The following SLA variants were observed in gnomAD, a reference collection of about 807,000 sequenced individuals.
The protein encoded by SLA is src-like-adapter.
Under a neutral mutation model 30.3 loss-of-function variants are expected in SLA, and 16 were observed. That is an observed-to-expected ratio of 0.53 (90% CI 0.36 to 0.80). The LOEUF (loss-of-function observed/expected upper bound fraction) is 0.80. Ranked by LOEUF, SLA falls within the 30% of genes least tolerant of loss-of-function variation. The pLI is 0.01. For missense variants in SLA, 310 were observed against 345.2 expected, an observed-to-expected ratio of 0.90 and a Z score of 0.81; for synonymous variants, 143 against 137.8, an observed-to-expected ratio of 1.04 and a Z score of -0.26.
chr8:133,095,272 A>G, intron 1 of SLA: 1 of 1,611,774 alleles, frequency 6.2e-7, no homozygotes, highest in Non-Finnish European at 8.5e-7. Context: ...GAAAATGAAG[A>G]CCTAGGAAGG....
chr8:133,055,845 GC>G lies in SLA; in HGVS notation c.61+4254del, dbSNP rs1211145581. 9.4e-4 allele frequency among the ~76,000 whole-genome samples: 11 copies of G among 11,704 alleles called. No homozygotes were observed. The African/African-American group carries it at 0.017, about 19-fold the overall frequency. 7.7% of individuals were successfully genotyped at this position (11,704 alleles called of 152,430 possible). A position where few individuals can be genotyped will look rare whatever the true frequency, so the allele number is the denominator to read the frequency against. Reference sequence around the variant, plus strand: ...ATCACCAGCAGCAGCAGCAGCAGCAGCAGCAGCAGCAGCAGCAGCAGCAGCA... The same window carrying G: ...ATCACCAGCAGCAGCAGCAGCAGCAGAGCAGCAGCAGCAGCAGCAGCAGCA... On this transcript the variant is annotated intron_variant, in intron 3 of 8. Coordinates refer to ENST00000338087, the MANE Select transcript of SLA (RefSeq NM_001045556.3).
intron 6 of SLA, chr8:133,046,435 T>G (rs1203951326): frequency 6.6e-6 from 1 of 152,280 alleles, no homozygotes. Flanking sequence ...CACAGTGCTC[T>G]AGGCCTGCCG....
intron 1 of SLA, among the ~76,000 whole-genome samples, chr8:133,079,152 C>T (rs571361429): frequency 1.7e-3 from 253 of 152,298 alleles, no homozygotes; most frequent in Middle Eastern, 0.01. Flanking sequence ...CAAGTGTAAG[C>T]ATGGAGTCAG....
intron 7 of SLA, among the ~76,000 whole-genome samples, chr8:133,042,208 C>T (rs1215815162): frequency 1.3e-5 from 2 of 152,148 alleles, no homozygotes; most frequent in African/African-American, 4.8e-5. Context: ...AAAAGCAACT[C>T]ATTGCCTCTT....
At chr8:133,087,186 G>A (rs1479895567) in intron 1 of SLA, among the ~76,000 whole-genome samples, 1 of 151,952 alleles carries the variant, frequency 6.6e-6, no homozygotes, top group Non-Finnish European at 1.5e-5. Flanking sequence ...GGAGGATTAT[G>A]TGTAATTTTA....
rs543907111 is a variant in SLA, at chr8:133,038,560, G to C, written c.795C>G (p.Ser265Arg). The C allele has an allele frequency of 4.3e-6, 7 of 1,613,902 alleles. No individual in the cohort carries two copies. In the South Asian group the frequency reaches 7.7e-5, roughly 18 times the overall value. ...SLMYGGSKRK[S>R]SFFSSPPYFE... is the part of the protein sequence containing the mutation. Reference sequence around the variant, plus strand: ...AGTAAGGTGGTGATGAGAAGAATGAGCTCTTTCTCTTGCTGCCACCATACA... The same window carrying C: ...AGTAAGGTGGTGATGAGAAGAATGACCTCTTTCTCTTGCTGCCACCATACA... Residue 265 changes from serine (S) to arginine (R), a missense_variant, in exon 9 of 9, where the codon AGC becomes AGG. By Grantham distance (110) the Ser-to-Arg change is moderately radical (BLOSUM62 -1). Transcript: ENST00000338087.
At chr8:133,098,923 T>C (rs1848842067) in intron 1 of SLA, among the ~76,000 whole-genome samples, 1 of 152,204 alleles carries the variant, frequency 6.6e-6, no homozygotes, top group Non-Finnish European at 1.5e-5. Flanking sequence ...TCTAGAAGTT[T>C]CCTAACTTTG....
At chr8:133,040,317 G>GA in intron 7 of SLA, 187 bp from the exon 8 acceptor site, 1 of 629,666 alleles carries the variant, frequency 1.6e-6, no homozygotes, top group Non-Finnish European at 2.8e-6. Context: ...TTTGAGAAAT[G>GA]TAAGCGTGCC....
Position 133,094,919 on chromosome 8 carries a change from A to G in SLA, c.-319+7634T>C, listed in dbSNP as rs1372052242. The G allele has an allele frequency of 1.6e-5, 21 of 1,308,272 alleles. No homozygotes were observed. In the East Asian group the frequency reaches 3.0e-4, roughly 19 times the overall value. 81.0% of individuals were successfully genotyped at this position (1,308,272 alleles called of 1,614,324 possible). On this transcript the variant is annotated intron_variant, in intron 1 of 8. Transcript: ENST00000338087. Reference sequence around the variant, plus strand: ...TCTTCCCATTGTGTGCAGCCCCAGAATGGGTCCTGGGACTCCCAAGCTTGG... The same window carrying G: ...TCTTCCCATTGTGTGCAGCCCCAGAGTGGGTCCTGGGACTCCCAAGCTTGG...
rs1325795870 is a variant in SLA at position 133,102,580 on chromosome 8, G to C, written c.-346C>G. ...GTGGAGCATCAGGGCTGCCTGAGAT[G>C]TTCTCCATTCGCAGCAAATGATCTT... On this transcript the variant is annotated 5_prime_UTR_variant, in exon 1 of 9. Coordinates refer to ENST00000338087, the MANE Select transcript of SLA (RefSeq NM_001045556.3). 58 of 1,551,240 alleles carry C rather than the reference G, an allele frequency of 3.7e-5. No homozygotes were observed. Among genetic ancestry groups the C allele is most frequent in the Non-Finnish European group, 4.8e-5 (55 of 1,146,652 alleles).
chr8:133,062,355 T>C (rs1311797906), intron 2 of SLA, among the ~76,000 whole-genome samples: 3 of 152,228 alleles, frequency 2.0e-5, no homozygotes, highest in Admixed American at 1.3e-4. Flanking sequence ...TCTCCATTCC[T>C]GAGCCTGGCG....
intron 2 of SLA, among the ~76,000 whole-genome samples, chr8:133,066,574 C>G (rs1843071918): frequency 6.6e-6 from 1 of 152,140 alleles, no homozygotes; most frequent in African/African-American, 2.4e-5. Context: ...CAGATTTTCT[C>G]CCAAGTGCCT....
At chr8:133,068,375 T>C (rs1397105923) in intron 2 of SLA, among the ~76,000 whole-genome samples, 2 of 152,210 alleles carry the variant, frequency 1.3e-5, no homozygotes, top group African/African-American at 2.4e-5. Context: ...GGCTGGGCTT[T>C]ATGCTAAGAC....
In SLA at chr8:133,040,095, G is replaced by A; in HGVS notation, c.520C>T (p.Pro174Ser). ...GCAGCCGTGCTTTGTGTCAGGCAGG[G>A]CGTGGTGAGCACACAGCACAGGCCA... ...ADGLCCVLTT[P>S]CLTQSTAAPA... The change falls in exon 8 of 9, where the codon CCC (proline) becomes TCC (serine). Residue 174 changes from proline (P) to serine (S), a missense_variant. Transcript: ENST00000338087. 1 of 1,569,094 alleles carries A rather than the reference G, an allele frequency of 6.4e-7. No individual in the cohort carries two copies. The highest frequency in any genetic ancestry group is 8.6e-7 in the Non-Finnish European group (1 of 1,156,976).
chr8:133,066,905 T>G (rs563816930), intron 2 of SLA, among the ~76,000 whole-genome samples: 2 of 152,266 alleles, frequency 1.3e-5, no homozygotes, highest in East Asian at 3.9e-4. Context: ...TGTGCAAGCT[T>G]GAGCAAGTAC....
intron 1 of SLA, among the ~76,000 whole-genome samples, chr8:133,101,778 G>A (rs562636383): frequency 5.5e-4 from 84 of 152,326 alleles, no homozygotes; most frequent in Non-Finnish European, 1.0e-3. Flanking sequence ...TGGAGAGATG[G>A]ACATCTATTC....
chr8:133,095,293 C>T (rs1027928681), intron 1 of SLA: 19 of 1,580,946 alleles, frequency 1.2e-5, no homozygotes, highest in Non-Finnish European at 1.6e-5. Flanking sequence ...AGGTGTCACC[C>T]ACCCCAGCCA....
intron 1 of SLA, among the ~76,000 whole-genome samples, chr8:133,092,428 G>A (rs1250893470): frequency 2.0e-5 from 3 of 152,180 alleles, no homozygotes; most frequent in Non-Finnish European, 2.9e-5. Flanking sequence ...AGATAAAGCC[G>A]GAGCCCAGGG....
chr8:133,087,211 G>A (rs6984543), intron 1 of SLA, among the ~76,000 whole-genome samples: 37,747 of 151,630 alleles, frequency 0.25, 4,932 homozygotes, highest in African/African-American at 0.28. Flanking sequence ...TCTTTGTTTC[G>A]TTCACTTGTT....
Sources: gnomAD v4.1 joint callset for allele counts (sites outside exome capture counted in the v4.1 genomes callset) on GRCh38, gnomAD v4.1.1 for gene constraint, MANE v1.5 for transcripts, NCBI Gene and HGNC (gene_info 2026-07-23, HGNC 2026-07-21) for gene names.